The following GRID1 variants were observed in gnomAD, a reference collection of about 807,000 sequenced individuals.
GRID1 encodes the protein glutamate receptor ionotropic, delta-1.
GRID1 carries 28 observed loss-of-function variants against 98.0 expected under a neutral mutation model. The ratio of observed to expected loss-of-function variants is 0.29; its 90% CI spans 0.21 to 0.39. GRID1 has a LOEUF of 0.39. GRID1 is among the 10% of genes least tolerant of loss of function. The pLI, the probability that GRID1 is intolerant of heterozygous loss-of-function variation, is 1.00. For synonymous variants in GRID1, 553 were observed against 538.5 expected (o/e 1.03, Z -0.37); for missense variants, 1,111 against 1,340.5 (o/e 0.83, Z 2.67).
intron 12 of GRID1, among the ~76,000 whole-genome samples, chr10:85,695,039 A>T (rs765163402): frequency 3.3e-5 from 5 of 152,138 alleles, no homozygotes; most frequent in Non-Finnish European, 7.4e-5. Context: ...TTTCCAGTCA[A>T]TTTTTCTGTA....
intron 2 of GRID1, among the ~76,000 whole-genome samples, chr10:86,253,686 A>C (rs920639339): frequency 2.6e-5 from 4 of 152,168 alleles, no homozygotes; most frequent in Non-Finnish European, 4.4e-5. Flanking sequence ...GGATCAGGAC[A>C]GACACACGAG....
intron 2 of GRID1, among the ~76,000 whole-genome samples, chr10:86,311,771 G>A (rs1847836023): frequency 1.3e-5 from 2 of 152,220 alleles, no homozygotes; most frequent in South Asian, 2.1e-4. Context: ...TGACGTGGGA[G>A]GACCACTTGA....
chr10:85,968,373 C>G (rs1483096266), intron 4 of GRID1, among the ~76,000 whole-genome samples: 3 of 149,306 alleles, frequency 2.0e-5, no homozygotes, highest in Non-Finnish European at 4.4e-5. Flanking sequence ...ATGGCATGAA[C>G]CCGGGAGGCG....
rs536468502 is a variant in GRID1, at chr10:86,180,773, G to A, written c.520+25591C>T. 8.5e-5 allele frequency among the ~76,000 whole-genome samples: 13 copies of A among 152,204 alleles called. No homozygotes were observed. The South Asian group carries it at 1.0e-3, about 12-fold the overall frequency. On this transcript the variant is annotated intron_variant, in intron 3 of 15. Coordinates refer to ENST00000327946, the MANE Select transcript of GRID1 (RefSeq NM_017551.3). ...TGCTCCACCACCTGCGGCCAGGCCCGGGAACTGGGCTGTGAACATCCTCAG... is the reference window on the plus strand; with the variant it reads ...TGCTCCACCACCTGCGGCCAGGCCCAGGAACTGGGCTGTGAACATCCTCAG...
intron 4 of GRID1, among the ~76,000 whole-genome samples, chr10:85,950,144 T>C (rs567395914): frequency 6.6e-6 from 1 of 152,148 alleles, no homozygotes; most frequent in Non-Finnish European, 1.5e-5. Context: ...TTTACTTTCA[T>C]GGAAATAGGG....
intron 2 of GRID1, among the ~76,000 whole-genome samples, chr10:86,269,467 G>A (rs1056303117): frequency 6.6e-6 from 1 of 152,214 alleles, no homozygotes; most frequent in Non-Finnish European, 1.5e-5. Flanking sequence ...CATTCTGAGA[G>A]ACACCATTTC....
chr10:85,829,274 C>T (rs977705919), intron 8 of GRID1, among the ~76,000 whole-genome samples: 1 of 151,926 alleles, frequency 6.6e-6, no homozygotes, highest in Non-Finnish European at 1.5e-5. Context: ...TAAAAACCCT[C>T]AACAAACTAG....
chr10:86,269,995 T>A (rs1847161290), intron 2 of GRID1, among the ~76,000 whole-genome samples: 2 of 152,176 alleles, frequency 1.3e-5, no homozygotes, highest in Admixed American at 1.3e-4. Context: ...GAATTAAACA[T>A]CCCCTTCCCT....
At chr10:85,620,141 C>T (rs984949957) in intron 13 of GRID1, 108 bp from the exon 14 acceptor site, 36 of 854,316 alleles carry the variant, frequency 4.2e-5, no homozygotes, top group Non-Finnish European at 6.6e-5. Flanking sequence ...CCTCAATGGT[C>T]TTCCTACCCA....
At chr10:86,279,848 T>A (rs1035014363) in intron 2 of GRID1, among the ~76,000 whole-genome samples, 4 of 152,206 alleles carry the variant, frequency 2.6e-5, no homozygotes, top group African/African-American at 9.6e-5. Context: ...GAAAATTTGA[T>A]GGAATCTACC....
intron 8 of GRID1, among the ~76,000 whole-genome samples, chr10:85,764,502 A>T (rs1842178326): frequency 6.6e-6 from 1 of 152,182 alleles, no homozygotes; most frequent in Non-Finnish European, 1.5e-5. Flanking sequence ...TGATGTGGGG[A>T]AAGTCAGCCA....
chr10:86,253,663 G>C (rs974834357), intron 2 of GRID1, among the ~76,000 whole-genome samples: 1 of 152,164 alleles, frequency 6.6e-6, no homozygotes, highest in Non-Finnish European at 1.5e-5. Context: ...GGCCCCGAGG[G>C]CATCAGGAAA....
At chr10:86,301,954 C>A (rs1847694324) in intron 2 of GRID1, among the ~76,000 whole-genome samples, 1 of 152,226 alleles carries the variant, frequency 6.6e-6, no homozygotes, top group East Asian at 1.9e-4. Context: ...TTTGCACCCC[C>A]AAAAATGGGC....
intron 2 of GRID1, among the ~76,000 whole-genome samples, chr10:86,350,872 T>C (rs1397449161): frequency 6.6e-6 from 1 of 152,226 alleles, no homozygotes; most frequent in Non-Finnish European, 1.5e-5. Flanking sequence ...TGCAGTGCTC[T>C]GGACCACTAG....
intron 8 of GRID1, among the ~76,000 whole-genome samples, chr10:85,763,553 T>G (rs1398206001): frequency 6.6e-6 from 1 of 152,240 alleles, no homozygotes; most frequent in Non-Finnish European, 1.5e-5. Context: ...TAGGAAAACT[T>G]CAAGTGACAA....
intron 4 of GRID1, among the ~76,000 whole-genome samples, chr10:86,030,323 C>T (rs2352179): frequency 0.19 from 29,468 of 152,140 alleles, 3,267 homozygotes; most frequent in African/African-American, 0.28. Context: ...GTGGAAGTCA[C>T]GAAGGGATTA....
chr10:86,017,055 G>C (rs1842989627), intron 4 of GRID1, among the ~76,000 whole-genome samples: 2 of 152,194 alleles, frequency 1.3e-5, no homozygotes, highest in South Asian at 4.1e-4. Context: ...TTACACACAT[G>C]TAACTACAGA....
intron 4 of GRID1, among the ~76,000 whole-genome samples, chr10:86,135,541 G>A (rs979921538): frequency 6.6e-5 from 10 of 152,182 alleles, no homozygotes; most frequent in Admixed American, 6.5e-4. Flanking sequence ...CTAAGATGGT[G>A]CTGAGGAGGC....
At chr10:85,988,046 T>C (rs1315475201) in intron 4 of GRID1, among the ~76,000 whole-genome samples, 4 of 152,138 alleles carry the variant, frequency 2.6e-5, no homozygotes, top group African/African-American at 9.7e-5. Flanking sequence ...ACCTGCTGAA[T>C]AGAAATGAAT....
Sources: gnomAD v4.1 joint callset for allele counts (sites outside exome capture counted in the v4.1 genomes callset) on GRCh38, gnomAD v4.1.1 for gene constraint, MANE v1.5 for transcripts, NCBI Gene and HGNC (gene_info 2026-07-23, HGNC 2026-07-21) for gene names.